ARVCF: variants seen among roughly 807,000 people sequenced by gnomAD.
The protein encoded by ARVCF is ARVCF delta catenin family member.
In ARVCF, 66 loss-of-function variants were observed where a neutral mutation model predicts 90.9. That is an observed-to-expected ratio of 0.73 (90% CI 0.60 to 0.89). ARVCF has a LOEUF of 0.89. Among genes scored for constraint, ARVCF ranks in the 40% least tolerant of loss-of-function variants. The pLI, the probability that ARVCF is intolerant of heterozygous loss-of-function variation, is 0.00. For synonymous variants in ARVCF, 653 were observed against 603.4 expected (o/e 1.08, Z -1.21); for missense variants, 1,469 against 1,382.3 (o/e 1.06, Z -1.00).
chr22:20,004,003 T>C (rs1944532253), intron 2 of ARVCF, among the ~76,000 whole-genome samples: 1 of 152,028 alleles, frequency 6.6e-6, no homozygotes, highest in Admixed American at 6.6e-5. Context: ...CTATTAGATG[T>C]AAAAAATGAA....
intron 9 of ARVCF, 28 bp from the exon 10 acceptor site, chr22:19,976,751 G>A: frequency 6.4e-7 from 1 of 1,557,430 alleles, no homozygotes; most frequent in Non-Finnish European, 8.7e-7. Flanking sequence ...GCAGAGGAGA[G>A]AGGAGAGGAG....
intron 3 of ARVCF, among the ~76,000 whole-genome samples, chr22:19,982,401 G>T (rs531838568): frequency 3.9e-5 from 6 of 152,228 alleles, no homozygotes; most frequent in Admixed American, 1.3e-4. Flanking sequence ...TAGACCCTGG[G>T]GGGTGAAGTC....
chr22:19,995,878 A>G (rs914007491), intron 2 of ARVCF, among the ~76,000 whole-genome samples: 3 of 152,130 alleles, frequency 2.0e-5, no homozygotes, highest in Admixed American at 6.5e-5. Flanking sequence ...GGAGGAAATG[A>G]TGCCAGAAGT....
At chr22:19,973,385 G>A in intron 13 of ARVCF, 68 bp from the exon 14 acceptor site, 2 of 1,494,492 alleles carry the variant, frequency 1.3e-6, no homozygotes, top group Non-Finnish European at 1.8e-6. Context: ...CAGGGATCCC[G>A]CGAGGGCGAG....
At chr22:20,000,817 A>C (rs183173964) in intron 2 of ARVCF, among the ~76,000 whole-genome samples, 1 of 152,130 alleles carries the variant, frequency 6.6e-6, no homozygotes, top group East Asian at 1.9e-4. Context: ...ACACAGCGCC[A>C]TCTATCAATA....
intron 6 of ARVCF, 35 bp from the exon 7 acceptor site, chr22:19,979,115 T>C (rs756650845): frequency 2.5e-6 from 4 of 1,588,864 alleles, no homozygotes; most frequent in East Asian, 2.3e-5. Context: ...GTGCTGACCA[T>C]ATGCACCGCC....
chr22:19,981,764 G>T, intron 4 of ARVCF, 27 bp from the exon 5 acceptor site: 1 of 1,553,166 alleles, frequency 6.4e-7, no homozygotes, highest in Non-Finnish European at 8.7e-7. Context: ...CAGGTAGGTG[G>T]GGTAGCACGA....
chr22:19,980,182 T>C lies in ARVCF; in HGVS notation c.957A>G (p.Pro319=). The change falls in exon 6 of 20, where the codon CCA becomes CCG. Residue 319 remains proline (P), a synonymous_variant. Coordinates refer to ENST00000263207, the MANE Select transcript of ARVCF (RefSeq NM_001670.3). ...GCTGGGCCAGGGGCGCCGTCACCAT[T>C]GGGAACGCAGGCCGCTCGTCCGCCA... ...GELADERPAF[P]MVTAPLAQPE... is the part of the protein sequence containing the mutation. 1 of 1,569,942 alleles carries C rather than the reference T, an allele frequency of 6.4e-7. No individual in the cohort carries two copies. Among genetic ancestry groups the C allele is most frequent in the Non-Finnish European group, 8.6e-7 (1 of 1,158,674 alleles).
chr22:19,983,301 T>TG (rs978568535), intron 3 of ARVCF, among the ~76,000 whole-genome samples: 4 of 152,236 alleles, frequency 2.6e-5, no homozygotes, highest in African/African-American at 9.6e-5. Context: ...CTGGGCCCCC[T>TG]GGGGCCTGCA....
At chr22:19,989,378 C>T (rs905397352) in intron 3 of ARVCF, among the ~76,000 whole-genome samples, 1 of 152,160 alleles carries the variant, frequency 6.6e-6, no homozygotes, top group Non-Finnish European at 1.5e-5. Flanking sequence ...AAGCATGACG[C>T]CTGCTGGCCG....
chr22:19,995,187 A>G (rs1271749829), intron 2 of ARVCF, among the ~76,000 whole-genome samples: 3 of 152,000 alleles, frequency 2.0e-5, no homozygotes, highest in African/African-American at 7.3e-5. Context: ...AGGTGGTTAT[A>G]TAAGAAAATG....
intron 3 of ARVCF, among the ~76,000 whole-genome samples, chr22:19,985,504 G>A (rs748473296): frequency 4.6e-5 from 7 of 152,260 alleles, no homozygotes; most frequent in Non-Finnish European, 8.8e-5. Flanking sequence ...CGCACCTTCG[G>A]CTCAGCTTCT....
Position 19,971,909 on chromosome 22 carries a change from C to T in ARVCF, c.2758G>A (p.Ala920Thr), listed in dbSNP as rs773325652. The change falls in exon 18 of 20, where the codon GCC becomes ACC. Residue 920 changes from alanine to threonine, a missense_variant. Transcript: ENST00000263207. ...ACTTTCAAGGGTTCCTTCTCAGAGG[C>T]CTCTCCTGCAGAGCTGGCGCCCCGT... The part of the protein sequence containing the change: ...RPRGASSAGE[A>T]SEKEPLKLDP... 5 of 1,613,196 alleles carry T rather than the reference C, an allele frequency of 3.1e-6. No homozygotes were observed. The African/African-American group carries it at 4.0e-5, about 13-fold the overall frequency.
downstream of ARVCF, among the ~76,000 whole-genome samples, chr22:19,965,911 T>C (rs899562936): frequency 2.6e-5 from 4 of 152,258 alleles, no homozygotes; most frequent in Admixed American, 6.5e-5. Flanking sequence ...CAATTGGGTA[T>C]TGATGGCAGA....
chr22:20,001,269 G>C (rs1266246432), intron 2 of ARVCF, among the ~76,000 whole-genome samples: 2 of 152,156 alleles, frequency 1.3e-5, no homozygotes, highest in African/African-American at 2.4e-5. Context: ...TCCCACATGA[G>C]GTTCCTCTGA....
At chr22:20,012,837 C>A (rs1915353534) in intron 1 of ARVCF, among the ~76,000 whole-genome samples, 1 of 152,266 alleles carries the variant, frequency 6.6e-6, no homozygotes, top group Admixed American at 6.5e-5. Flanking sequence ...GGCCACACAG[C>A]CAGATTGGCA....
In ARVCF at chr22:19,980,103, C is replaced by G. The variant is rs748734417; in HGVS notation, c.1036G>C (p.Val346Leu). ...LDRLVRRSPS[V>L]DSARKEPRWR... ...CGCGGCTCCTTGCGGGCGCTATCCA[C>G]TGAGGGCGAGCGCCGCACCAGCCGG... Residue 346 changes from valine to leucine, a missense_variant, in exon 6 of 20, where the codon GTG (valine) becomes CTG (leucine). Transcript: ENST00000263207. The G allele has an allele frequency of 5.7e-6, 9 of 1,586,606 alleles. No individual in the cohort carries two copies. In the African/African-American group the frequency reaches 1.2e-4, roughly 21 times the overall value.
chr22:19,982,188 G>T lies in ARVCF; in HGVS notation c.211-97C>A, dbSNP rs577345335. On this transcript the variant is annotated intron_variant, in intron 3 of 19. Transcript: ENST00000263207. ...AGCAGCTCTGCCTCAGCTCATGCTG[G>T]CCAGCACACCAGGGTGCCTTCCTCC... 2,496 of 1,505,128 alleles carry T rather than the reference G, an allele frequency of 1.7e-3. 6 individuals carry two copies. The highest frequency in any genetic ancestry group is 2.2e-3 in the Non-Finnish European group (2,424 of 1,123,518). 93.2% of individuals were successfully genotyped at this position (1,505,128 alleles called of 1,614,324 possible).
rs568086428 is a variant in ARVCF, at chr22:19,985,759, C to T, written c.211-3668G>A. Among the ~76,000 whole-genome samples the T allele has an allele frequency of 3.3e-3, 497 of 152,338 alleles. 1 individual carries two copies. The highest frequency in any genetic ancestry group is 6.8e-3 in the Middle Eastern group (2 of 294). ...CTGAAGAACAGACTGCAGGGGCAGG[C>T]CCCTCCCCTGTCCAAGGCCTGGCTA... On this transcript the variant is annotated intron_variant, in intron 3 of 19. Coordinates refer to ENST00000263207, the MANE Select transcript of ARVCF (RefSeq NM_001670.3).
Sources: gnomAD v4.1 joint callset for allele counts (sites outside exome capture counted in the v4.1 genomes callset) on GRCh38, gnomAD v4.1.1 for gene constraint, MANE v1.5 for transcripts, NCBI Gene and HGNC (gene_info 2026-07-23, HGNC 2026-07-21) for gene names.